The following PECAM1 variants were observed in gnomAD, a reference collection of about 807,000 sequenced individuals.
The protein encoded by PECAM1 is platelet and endothelial cell adhesion molecule 1.
A neutral mutation model predicts 13.8 loss-of-function variants in PECAM1; 8 were observed. That is an observed-to-expected ratio of 0.58 (90% CI 0.34 to 1.05). The LOEUF (loss-of-function observed/expected upper bound fraction) is 1.05. Ranked by LOEUF, PECAM1 falls within the 50% of genes least tolerant of loss-of-function variation. The probability of loss-of-function intolerance (pLI) is 0.03; values close to 1 mark genes in which losing one functional copy is unlikely to be tolerated. For missense variants in PECAM1, 304 were observed against 141.2 expected (o/e 2.15, Z -5.84); for synonymous variants, 136 against 52.6 (o/e 2.58, Z -6.86).
Position 64,369,909 on chromosome 17 carries a change from T to C in PECAM1, c.808A>G (p.Ile270Val), listed in dbSNP as rs2036202834. ...VTHLAQEFPE[I>V]IIQKDKAIVA... ...ATCGCCTTGTCCTTCTGAATTATGA[T>C]TTCTGGAAACTCCTGGGCCAGGTGA... The change falls in exon 5 of 16, where the codon ATC becomes GTC. Residue 270 changes from isoleucine (I) to valine (V), a missense_variant. By Grantham distance (29) the Ile-to-Val change is conservative. Transcript: ENST00000563924. 5.0e-6 allele frequency: 2 copies of C among 398,674 alleles called. No homozygotes were observed. Among genetic ancestry groups the C allele is most frequent in the Middle Eastern group, 1.3e-3 (2 of 1,588 alleles). 24.7% of individuals were successfully genotyped at this position (398,674 alleles called of 1,614,324 possible).
intron 5 of PECAM1, among the ~76,000 whole-genome samples, chr17:64,368,615 C>T (rs1018028634): frequency 1.3e-5 from 2 of 152,096 alleles, no homozygotes; most frequent in Non-Finnish European, 2.9e-5. Flanking sequence ...TTTAGGAGGC[C>T]GAGGCAGGCA....
rs2143648935 is a variant in PECAM1 at position 64,323,327 on chromosome 17, G to A, written c.*489C>T. On this transcript the variant is annotated 3_prime_UTR_variant, in exon 16 of 16. Coordinates refer to ENST00000563924, the MANE Select transcript of PECAM1 (RefSeq NM_000442.5). ...GGGGAGGCTGTCTGGTCAGCACTGT[G>A]TATTTCCAAAGAACAAGGACTAGCC... The A allele has an allele frequency of 1.9e-6, 2 of 1,059,062 alleles. No individual in the cohort carries two copies. Among genetic ancestry groups the A allele is most frequent in the East Asian group, 1.6e-4 (2 of 12,218 alleles). The allele number at this position is 1,059,062 out of a possible 1,614,324, so 65.6% of individuals were successfully genotyped here.
rs1598265093 is a variant in PECAM1 at position 64,321,919 on chromosome 17, T to G, written c.*1897A>C. On this transcript the variant is annotated 3_prime_UTR_variant, in exon 16 of 16. Coordinates refer to ENST00000563924, the MANE Select transcript of PECAM1 (RefSeq NM_000442.5). Reference sequence around the variant, plus strand: ...CACAGGGGATCTGGCTGTCCCCAGATCATCAACAGAGACATGAAGGTCGTT... The same window carrying G: ...CACAGGGGATCTGGCTGTCCCCAGAGCATCAACAGAGACATGAAGGTCGTT... 2 of 1,336,298 alleles carry G rather than the reference T, an allele frequency of 1.5e-6. No homozygotes were observed. Among genetic ancestry groups the G allele is most frequent in the African/African-American group, 3.0e-5 (2 of 67,574 alleles). The allele number at this position is 1,336,298 out of a possible 1,614,324, so 82.8% of individuals were successfully genotyped here. A position where few individuals can be genotyped will look rare whatever the true frequency, so the allele number is the denominator to read the frequency against.
chr17:64,377,913 A>C lies in PECAM1; in HGVS notation c.296T>G (p.Val99Gly). 1 of 475,264 alleles carries C rather than the reference A, an allele frequency of 2.1e-6. No homozygotes were observed. The highest frequency in any genetic ancestry group is 3.9e-6 in the Non-Finnish European group (1 of 259,032). The allele number at this position is 475,264 out of a possible 1,614,324, so 29.4% of individuals were successfully genotyped here. Residue 99 changes from valine to glycine, a missense_variant, in exon 3 of 16, where the codon GTC becomes GGC. By Grantham distance (109) the Val-to-Gly change is moderately radical (BLOSUM62 -3). Transcript: ENST00000563924. ...ATATGTCCCTGAGTCATAGATCCGG[A>C]CTTCAGGAATAAAATAACTCTCTGT... ...KSTESYFIPE[V>G]RIYDSGTYKC... is the part of the protein sequence containing the mutation.
chr17:64,328,370 C>T lies in PECAM1; in HGVS notation c.2187+1330G>A, dbSNP rs185937354. Reference sequence around the variant, plus strand: ...TTCACATCTTGGAGGGAGTCTCTGTCGTGACAGAGGACTGGCCGCAGAGTA... The same window carrying T: ...TTCACATCTTGGAGGGAGTCTCTGTTGTGACAGAGGACTGGCCGCAGAGTA... On this transcript the variant is annotated intron_variant, in intron 15 of 15. Transcript: ENST00000563924. 6.3e-4 allele frequency among the ~76,000 whole-genome samples: 96 copies of T among 152,304 alleles called. 1 individual carries two copies. Among genetic ancestry groups the T allele is most frequent in the African/African-American group, 2.1e-3 (86 of 41,572 alleles).
chr17:64,337,595 C>T lies in PECAM1; in HGVS notation c.2164+4039G>A, dbSNP rs1002311280. Among the ~76,000 whole-genome samples, 534 of 152,170 alleles carry T rather than the reference C, an allele frequency of 3.5e-3. 1 individual carries two copies. The highest frequency in any genetic ancestry group is 0.012 in the African/African-American group (515 of 41,520). ...CAGCTGATTGGGGGCTGCCTCAGAA[C>T]GGGGACTGGGATGTCTCCCAGGAAA... On this transcript the variant is annotated intron_variant, in intron 14 of 15. Coordinates refer to ENST00000563924, the MANE Select transcript of PECAM1 (RefSeq NM_000442.5).
At position 64,372,363 on chromosome 17, in the gene PECAM1, G is replaced by A. The variant is rs2036260670; in HGVS notation, c.692-2338C>T. On this transcript the variant is annotated intron_variant, in intron 4 of 15. Transcript: ENST00000563924. ...TTGAAGAGCACTTTGGCAATATCTAGCACTTTGGCAACATCGAGCCAGGCA... is the reference window on the plus strand; with the variant it reads ...TTGAAGAGCACTTTGGCAATATCTAACACTTTGGCAACATCGAGCCAGGCA... Among the ~76,000 whole-genome samples the A allele has an allele frequency of 2.0e-5, 3 of 152,242 alleles. No individual in the cohort carries two copies. The South Asian group carries it at 6.2e-4, about 32-fold the overall frequency.
intron 14 of PECAM1, among the ~76,000 whole-genome samples, chr17:64,330,635 C>CAA (rs200563172): frequency 1.4e-3 from 147 of 107,764 alleles, no homozygotes; most frequent in African/African-American, 4.8e-3. Context: ...GACTCCATCT[C>CAA]AAAAAAAAAA....
chr17:64,390,335 C>T, intron 2 of PECAM1, 154 bp downstream of exon 2: 1 of 407,164 alleles, frequency 2.5e-6, no homozygotes, highest in Admixed American at 4.4e-5. Flanking sequence ...CTAAAAATGC[C>T]CACATGGGAT....
intron 13 of PECAM1, among the ~76,000 whole-genome samples, chr17:64,347,860 A>C (rs1248485864): frequency 6.6e-6 from 1 of 150,954 alleles, no homozygotes; most frequent in Non-Finnish European, 1.5e-5. Flanking sequence ...CCTCCTGAGT[A>C]GCTGGGATTA....
At chr17:64,389,776 G>A (rs1490282054) in intron 2 of PECAM1, among the ~76,000 whole-genome samples, 1 of 152,122 alleles carries the variant, frequency 6.6e-6, no homozygotes, top group African/African-American at 2.4e-5. Context: ...GGCCGGGCGC[G>A]GTGGCTCACA....
At chr17:64,337,760 C>T (rs988382485) in intron 14 of PECAM1, among the ~76,000 whole-genome samples, 2 of 152,232 alleles carry the variant, frequency 1.3e-5, no homozygotes, top group South Asian at 4.1e-4. Flanking sequence ...CCCACTTGAA[C>T]AGCCAGCTGC....
Position 64,323,771 on chromosome 17 carries a change from CG to C in PECAM1, c.*44del, listed in dbSNP as rs781799778. On this transcript the variant is annotated 3_prime_UTR_variant, in exon 16 of 16. Transcript: ENST00000563924. ...AAATACAGGGATTATCTGTTCTTCT[CG>C]GAACATGGATGTCCTTCCAGGGATG... The C allele has an allele frequency of 6.2e-6, 7 of 1,120,236 alleles. No homozygotes were observed. Among genetic ancestry groups the C allele is most frequent in the South Asian group, 3.7e-5 (3 of 81,002 alleles). 69.4% of individuals were successfully genotyped at this position (1,120,236 alleles called of 1,614,324 possible). A position where few individuals can be genotyped will look rare whatever the true frequency, so the allele number is the denominator to read the frequency against.
chr17:64,325,342 T>G (rs1555645387), intron 15 of PECAM1, among the ~76,000 whole-genome samples: 1 of 151,690 alleles, frequency 6.6e-6, no homozygotes, highest in African/African-American at 2.4e-5. Flanking sequence ...GAGCCAAGAT[T>G]GCGCCACTGC....
chr17:64,353,136 C>T (rs995132202), intron 10 of PECAM1, among the ~76,000 whole-genome samples: 1 of 151,978 alleles, frequency 6.6e-6, no homozygotes, highest in Non-Finnish European at 1.5e-5. Context: ...GTAGTAAAAC[C>T]ATTTTTTAAA....
intron 2 of PECAM1, among the ~76,000 whole-genome samples, chr17:64,383,601 C>A (rs2036529863): frequency 6.6e-6 from 1 of 152,236 alleles, no homozygotes; most frequent in Non-Finnish European, 1.5e-5. Flanking sequence ...CTGCACTCCA[C>A]AACTCTTCCT....
chr17:64,336,979 A>C (rs2035296430), intron 14 of PECAM1, among the ~76,000 whole-genome samples: 1 of 152,104 alleles, frequency 6.6e-6, no homozygotes, highest in African/African-American at 2.4e-5. Flanking sequence ...AAGAAAAAGA[A>C]AAAGAGAGAG....
In PECAM1 at chr17:64,376,305, A is replaced by AAAATAAATAAAT. The variant is rs386627358; in HGVS notation, c.386-961_386-950dup. Among the ~76,000 whole-genome samples, 263 of 148,518 alleles carry AAAATAAATAAAT rather than the reference A, an allele frequency of 1.8e-3. 2 individuals are homozygous for AAAATAAATAAAT. Among genetic ancestry groups the AAAATAAATAAAT allele is most frequent in the African/African-American group, 6.3e-3 (253 of 40,246 alleles). The stretch of plus-strand genomic sequence containing the variant: ...GGGCAACAGAGTGAGACTCTGTCTA[A>AAAATAAATAAAT]AAATAAATAAATAAATAAATAAATA... On this transcript the variant is annotated intron_variant, in intron 3 of 15. Coordinates refer to ENST00000563924, the MANE Select transcript of PECAM1 (RefSeq NM_000442.5).
At position 64,322,718 on chromosome 17, in the gene PECAM1, G is replaced by GT; in HGVS notation, c.*1097dup. Reference sequence around the variant, plus strand: ...GACCACTTCTTTAGCAAGCAATTTTGTTTTTTGTTTTTTTTGAGATGGATT... The same window carrying GT: ...GACCACTTCTTTAGCAAGCAATTTTGTTTTTTTGTTTTTTTTGAGATGGATT... On this transcript the variant is annotated 3_prime_UTR_variant, in exon 16 of 16. Transcript: ENST00000563924. 4.2e-6 allele frequency: 4 copies of GT among 941,382 alleles called. No homozygotes were observed. Among genetic ancestry groups the GT allele is most frequent in the Non-Finnish European group, 4.9e-6 (4 of 808,836 alleles). 58.3% of individuals were successfully genotyped at this position (941,382 alleles called of 1,614,324 possible). A position where few individuals can be genotyped will look rare whatever the true frequency, so the allele number is the denominator to read the frequency against.
Sources: allele counts gnomAD v4.1 joint callset (sites outside exome capture counted in the v4.1 genomes callset), GRCh38; gene constraint gnomAD v4.1.1; transcripts MANE v1.5; gene names NCBI Gene and HGNC (gene_info 2026-07-23, HGNC 2026-07-21).